MDN1: variants seen among roughly 807,000 people sequenced by gnomAD.
MDN1 encodes the protein midasin.
MDN1 carries 266 observed loss-of-function variants against 669.2 expected under a neutral mutation model. The observed-to-expected ratio is 0.40, with a 90% CI of 0.36 to 0.44. The LOEUF is 0.44. MDN1 is among the 20% of genes least tolerant of loss of function. The pLI, the probability that MDN1 is intolerant of heterozygous loss-of-function variation, is 1.00. For synonymous variants in MDN1, 2,385 were observed against 2,457.1 expected, an observed-to-expected ratio of 0.97 and a Z score of 0.87; for missense variants, 5,940 against 6,754.0, an observed-to-expected ratio of 0.88 and a Z score of 4.22.
intron 11 of MDN1, 33 bp downstream of exon 11, chr6:89,780,179 C>T: frequency 7.6e-7 from 1 of 1,315,934 alleles, no homozygotes; most frequent in Non-Finnish European, 1.0e-6. Context: ...CTTACAGAAC[C>T]AAGACAAAAA....
At chr6:89,675,331 G>A in intron 78 of MDN1, 133 bp downstream of exon 78, 2 of 708,210 alleles carry the variant, frequency 2.8e-6, no homozygotes, top group Non-Finnish European at 4.6e-6. Context: ...AACCCTACCT[G>A]CCTCTTTGGG....
intron 7 of MDN1, among the ~76,000 whole-genome samples, chr6:89,788,587 A>G (rs1819089935): frequency 6.6e-6 from 1 of 152,208 alleles, no homozygotes; most frequent in Non-Finnish European, 1.5e-5. Context: ...GGTAAGTAAT[A>G]AAAGGCCTCC....
intron 83 of MDN1, 59 bp from the exon 84 acceptor site, chr6:89,668,210 T>A: frequency 6.3e-7 from 1 of 1,595,612 alleles, no homozygotes; most frequent in Non-Finnish European, 8.6e-7. Flanking sequence ...TAAAAGGAGA[T>A]TTCATTCTTG....
intron 92 of MDN1, among the ~76,000 whole-genome samples, chr6:89,655,484 C>T (rs531904943): frequency 6.6e-6 from 1 of 152,308 alleles, no homozygotes; most frequent in Non-Finnish European, 1.5e-5. Context: ...ACCAAGAAAT[C>T]TTAACCATCT....
rs765181989 is a variant in MDN1, at chr6:89,695,934, C to G, written c.9442G>C (p.Glu3148Gln). The change falls in exon 61 of 102, where the codon GAG (glutamate) becomes CAG (glutamine). Residue 3148 changes from glutamate (E) to glutamine (Q), a missense_variant. Around this residue, in one of 5 missense-constraint regions of MDN1, gnomAD observed 2,292 missense variants for 2,638.3 expected, o/e 0.87. Transcript: ENST00000369393. The surrounding 1 kb of genome is among the most constrained non-coding windows in gnomAD (Gnocchi z 4.1). ...TGCCGCCGGGACTCTGGGAGCAGCT[C>G]TGCTAGGCCTGCCAGGTGCCGGAAC... ...VLFRHLAGLA[E>Q]LLPESRRQEY... 6.2e-7 allele frequency: 1 copy of G among 1,612,334 alleles called. No homozygotes were observed.
Position 89,819,730 on chromosome 6 carries a change from G to A in MDN1, c.-123C>T. The A allele has an allele frequency of 2.7e-6, 2 of 745,908 alleles. No homozygotes were observed. Among genetic ancestry groups the A allele is most frequent in the Non-Finnish European group, 4.6e-6 (2 of 437,058 alleles). 46.2% of individuals were successfully genotyped at this position (745,908 alleles called of 1,614,324 possible). ...TACGCCCGCAGGAAAGGCGTCCTCA[G>A]CTCCAGCGCCTACACCGGGAGAGGG... On this transcript the variant is annotated 5_prime_UTR_variant, in exon 1 of 102. Transcript: ENST00000369393.
intron 33 of MDN1, among the ~76,000 whole-genome samples, chr6:89,735,973 T>C (rs1388557989): frequency 6.6e-6 from 1 of 152,166 alleles, no homozygotes; most frequent in Non-Finnish European, 1.5e-5. Context: ...TGAGCCAAGA[T>C]TGCACCATAG....
chr6:89,667,939 T>A lies in MDN1; in HGVS notation c.14094+75A>T, dbSNP rs1810377598. 3 of 1,566,680 alleles carry A rather than the reference T, an allele frequency of 1.9e-6. No homozygotes were observed. In the Admixed American group the frequency reaches 5.4e-5, roughly 28 times the overall value. Reference sequence around the variant, plus strand: ...AAAATTATTAACCTAGTAAAAACCATTTTTATGTGTAACTTACATGTTGAA... The same window carrying A: ...AAAATTATTAACCTAGTAAAAACCAATTTTATGTGTAACTTACATGTTGAA... On this transcript the variant is annotated intron_variant, in intron 84 of 101. Transcript: ENST00000369393.
chr6:89,678,080 T>A (rs1811344936), intron 75 of MDN1, among the ~76,000 whole-genome samples: 1 of 152,184 alleles, frequency 6.6e-6, no homozygotes. Context: ...GAGACCATCC[T>A]GGCTAACACG....
In MDN1 at chr6:89,674,167, T is replaced by G. The variant is rs1038894544; in HGVS notation, c.13184A>C (p.Lys4395Thr). ...TTTGTCGACGTCAGCTTTCACTGTT[T>G]TAATGGTTTTTAGCATCTCTGTTAA... ...TRLTEMLKTI[K>T]TVKADVDKIR... Residue 4395 changes from lysine (K) to threonine (T), a missense_variant, in exon 79 of 102, where the codon AAA becomes ACA. By Grantham distance (78) the Lys-to-Thr change is moderately conservative (BLOSUM62 -1). Around this residue, in one of 5 missense-constraint regions of MDN1, gnomAD observed 2,280 missense variants for 2,576.3 expected, o/e 0.88. Coordinates refer to ENST00000369393, the MANE Select transcript of MDN1 (RefSeq NM_014611.3). 1 of 1,614,194 alleles carries G rather than the reference T, an allele frequency of 6.2e-7. No homozygotes were observed.
chr6:89,743,035 T>C, intron 31 of MDN1, 115 bp downstream of exon 31: 1 of 1,284,016 alleles, frequency 7.8e-7, no homozygotes, highest in Non-Finnish European at 1.1e-6. Context: ...TGAACTATGA[T>C]CATGACACGG....
chr6:89,714,423 C>G, intron 46 of MDN1, 120 bp downstream of exon 46: 1 of 956,902 alleles, frequency 1.0e-6, no homozygotes, highest in Non-Finnish European at 1.5e-6. Flanking sequence ...TTTTAACAAG[C>G]TTTCCTGATA....
At chr6:89,676,385 G>A (rs768425718) in intron 76 of MDN1, among the ~76,000 whole-genome samples, 178 bp from the exon 77 acceptor site, 2 of 152,190 alleles carry the variant, frequency 1.3e-5, no homozygotes, top group African/African-American at 2.4e-5. Context: ...ACTCAGCACT[G>A]GAAGTATCAG....
At chr6:89,694,791 G>T (rs1812621084) in intron 61 of MDN1, among the ~76,000 whole-genome samples, 1 of 151,344 alleles carries the variant, frequency 6.6e-6, no homozygotes, top group Admixed American at 6.6e-5. Context: ...GGGCTCAACT[G>T]CTCCTCCCAC....
rs1196335674 is a variant in MDN1 at position 89,692,632 on chromosome 6, C to T, written c.10398G>A (p.Glu3466=). The change falls in exon 63 of 102, where the codon GAG becomes GAA. Residue 3466 remains glutamate (E), a synonymous_variant. Coordinates refer to ENST00000369393, the MANE Select transcript of MDN1 (RefSeq NM_014611.3). ...TTAGCTTCCCAAGGCCTCGTAGAAC[C>T]TCCTCAGACTTCACCGAGCACAAAG... The part of the protein sequence containing the change: ...ADTLCSVKSE[E]VLRGLGKLIL... The T allele has an allele frequency of 1.2e-6, 2 of 1,614,240 alleles. No individual in the cohort carries two copies. Among genetic ancestry groups the T allele is most frequent in the Non-Finnish European group, 1.7e-6 (2 of 1,180,044 alleles).
Position 89,650,729 on chromosome 6 carries a change from T to G in MDN1, c.16031+3A>C, listed in dbSNP as rs201110172. ...GTGAGGCCTTCCAGAGGGGAAGACT[T>G]ACTTCAGCTTGGCTGCCTGGGTAGG... On this transcript the variant is annotated splice_donor_region_variant and intron_variant, in intron 96 of 101. Transcript: ENST00000369393. 1 of 1,612,786 alleles carries G rather than the reference T, an allele frequency of 6.2e-7. No homozygotes were observed. The highest frequency in any genetic ancestry group is 8.5e-7 in the Non-Finnish European group (1 of 1,178,998).
chr6:89,688,767 C>A lies in MDN1; in HGVS notation c.11065G>T (p.Ala3689Ser). The part of the protein sequence containing the change: ...NDRLLGSQLL[A>S]CTLSHNTLFG... ...AGAGTGTTATGGGAGAGGGTACAGG[C>A]CAAAAGTTGGCTGCCCAAGAGTCGG... The change falls in exon 66 of 102, where the codon GCC becomes TCC. Residue 3689 changes from alanine (A) to serine (S), a missense_variant. By Grantham distance (99) the Ala-to-Ser change is moderately conservative. Transcript: ENST00000369393. The A allele has an allele frequency of 6.2e-7, 1 of 1,614,150 alleles. No homozygotes were observed. The highest frequency in any genetic ancestry group is 8.5e-7 in the Non-Finnish European group (1 of 1,180,034).
intron 95 of MDN1, among the ~76,000 whole-genome samples, chr6:89,651,281 C>T (rs1308611179): frequency 7.0e-5 from 10 of 143,672 alleles, no homozygotes; most frequent in African/African-American, 1.6e-4. Flanking sequence ...GTCAAGATCG[C>T]GCCACAGCAC....
intron 9 of MDN1, among the ~76,000 whole-genome samples, chr6:89,782,710 G>A (rs1818745649): frequency 6.6e-6 from 1 of 151,962 alleles, no homozygotes; most frequent in Admixed American, 6.5e-5. Flanking sequence ...GCAGGCTGAG[G>A]TGAGTGGATC....
Sources: allele counts gnomAD v4.1 joint callset (sites outside exome capture counted in the v4.1 genomes callset), GRCh38; gene constraint gnomAD v4.1.1; regional missense constraint gnomAD v4.1.1; non-coding constraint Gnocchi (gnomAD v3.1); transcripts MANE v1.5; gene names NCBI Gene and HGNC (gene_info 2026-07-23, HGNC 2026-07-21).